The following SAMD3 variants were observed in gnomAD, a reference collection of about 807,000 sequenced individuals.
The protein encoded by SAMD3 is sterile alpha motif domain containing 3.
SAMD3 carries 63 observed loss-of-function variants against 58.5 expected under a neutral mutation model. The ratio of observed to expected loss-of-function variants is 1.08; its 90% CI spans 0.88 to 1.33. The LOEUF (loss-of-function observed/expected upper bound fraction) is 1.33, where lower values mean the gene tolerates loss of function less well. SAMD3 is among the 40% of genes most tolerant of loss of function. The pLI is 0.00. For synonymous variants in SAMD3, 220 were observed against 210.3 expected, an observed-to-expected ratio of 1.05 and a Z score of -0.40; for missense variants, 604 against 608.4, an observed-to-expected ratio of 0.99 and a Z score of 0.08.
At chr6:130,266,510 T>A (rs1281414988) in intron 2 of SAMD3, among the ~76,000 whole-genome samples, 1 of 152,212 alleles carries the variant, frequency 6.6e-6, no homozygotes, top group Non-Finnish European at 1.5e-5. Flanking sequence ...AAGACTCAGC[T>A]GCCTTAGGCA....
chr6:130,187,848 A>G (rs1793147656), intron 5 of SAMD3, among the ~76,000 whole-genome samples: 1 of 152,200 alleles, frequency 6.6e-6, no homozygotes, highest in East Asian at 1.9e-4. Context: ...AGCACCACAA[A>G]GCAACAGATC....
rs148646730 is a variant in SAMD3, at chr6:130,183,956, C to G, written c.654+147G>C. ...AGACAAAGAGTCAGAAAAACAGAAA[C>G]AGATAGACCTAGATACATAGACAGA... is the stretch of plus-strand genomic sequence containing the variant. On this transcript the variant is annotated intron_variant, in intron 7 of 11. Transcript: ENST00000439090. The G allele has an allele frequency of 2.5e-5, 16 of 640,798 alleles. No individual in the cohort carries two copies. The Middle Eastern group carries it at 2.1e-3, about 83-fold the overall frequency. The allele number at this position is 640,798 out of a possible 1,614,324, so 39.7% of individuals were successfully genotyped here. A position where few individuals can be genotyped will look rare whatever the true frequency, so the allele number is the denominator to read the frequency against.
chr6:130,229,888 A>G (rs1796494850), intron 2 of SAMD3, among the ~76,000 whole-genome samples: 2 of 152,200 alleles, frequency 1.3e-5, no homozygotes, highest in African/African-American at 4.8e-5. Context: ...CACCACAGTG[A>G]CCAGTTTTAA....
intron 1 of SAMD3, among the ~76,000 whole-genome samples, chr6:130,341,157 G>A (rs1465184292): frequency 8.6e-6 from 1 of 116,282 alleles, no homozygotes; most frequent in Non-Finnish European, 1.6e-5. Context: ...GAGGGAGGAA[G>A]AGAGGGAGGG....
At chr6:130,155,959 T>C (rs1441569830) in intron 8 of SAMD3, among the ~76,000 whole-genome samples, 2 of 152,188 alleles carry the variant, frequency 1.3e-5, no homozygotes, top group Non-Finnish European at 2.9e-5. Flanking sequence ...ACAAAGAAAA[T>C]ACCAAGAAAG....
chr6:130,239,112 T>A (rs1773265300), intron 2 of SAMD3, among the ~76,000 whole-genome samples: 2 of 152,106 alleles, frequency 1.3e-5, no homozygotes, highest in Non-Finnish European at 2.9e-5. Flanking sequence ...ACCTAAGAGA[T>A]GATGTCTGAG....
chr6:130,290,383 T>C (rs1309446818), intron 2 of SAMD3, among the ~76,000 whole-genome samples: 1 of 152,178 alleles, frequency 6.6e-6, no homozygotes, highest in Non-Finnish European at 1.5e-5. Context: ...GAAACCTCAG[T>C]CTTTGCTCTT....
chr6:130,241,081 C>G (rs1773338324), intron 2 of SAMD3, among the ~76,000 whole-genome samples: 1 of 152,122 alleles, frequency 6.6e-6, no homozygotes, highest in South Asian at 2.1e-4. Flanking sequence ...GGCAACAAGA[C>G]TCCTGCTGGG....
chr6:130,349,441 T>C (rs1343607247), intron 1 of SAMD3, among the ~76,000 whole-genome samples: 2 of 152,170 alleles, frequency 1.3e-5, no homozygotes, highest in Non-Finnish European at 2.9e-5. Flanking sequence ...CAGAGAATAC[T>C]ATAAAGACCT....
intron 10 of SAMD3, 58 bp downstream of exon 10, chr6:130,145,952 T>C: frequency 9.0e-7 from 1 of 1,106,862 alleles, no homozygotes; most frequent in Non-Finnish European, 1.2e-6. Context: ...AGCATAACTT[T>C]TCTAGATATT....
intron 1 of SAMD3, among the ~76,000 whole-genome samples, chr6:130,342,604 T>C (rs1257576381): frequency 2.0e-5 from 3 of 152,160 alleles, no homozygotes; most frequent in African/African-American, 7.2e-5. Flanking sequence ...CTAGACAGGC[T>C]TTCATAATAC....
At chr6:130,272,097 A>T (rs1438248806) in intron 2 of SAMD3, among the ~76,000 whole-genome samples, 2 of 152,202 alleles carry the variant, frequency 1.3e-5, no homozygotes, top group Non-Finnish European at 2.9e-5. Flanking sequence ...CTTTTCCAAG[A>T]TTATAAATAA....
intron 2 of SAMD3, among the ~76,000 whole-genome samples, chr6:130,306,351 A>C (rs1261260168): frequency 6.6e-6 from 1 of 152,238 alleles, no homozygotes. Context: ...GGAACAAAAA[A>C]GGAAAGATTA....
upstream of SAMD3, among the ~76,000 whole-genome samples, chr6:130,227,029 T>C (rs558880512): frequency 2.6e-5 from 4 of 152,330 alleles, no homozygotes; most frequent in African/African-American, 9.6e-5. Context: ...ATAAGTATAT[T>C]CACATTATTG....
intron 2 of SAMD3, among the ~76,000 whole-genome samples, chr6:130,279,935 C>T (rs1583044110): frequency 6.6e-6 from 1 of 152,314 alleles, no homozygotes; most frequent in Middle Eastern, 3.4e-3. Flanking sequence ...CTCCCAGGGA[C>T]ATTATCTTTG....
chr6:130,246,642 G>A (rs1036095028), intron 2 of SAMD3, among the ~76,000 whole-genome samples: 1 of 152,114 alleles, frequency 6.6e-6, no homozygotes, highest in South Asian at 2.1e-4. Context: ...TATAATCCCA[G>A]CACTTTGGGA....
chr6:130,308,349 A>AATTCTATTCTATTCTATTCTATTCT (rs68138988), intron 2 of SAMD3, among the ~76,000 whole-genome samples: 31 of 69,560 alleles, frequency 4.5e-4, no homozygotes, highest in East Asian at 8.0e-4. Context: ...AAGTTCATAG[A>AATTCTATTCTATTCTATTCTATTCT]ATTCTATTCT....
At chr6:130,172,895 T>C (rs1188876001) in intron 8 of SAMD3, among the ~76,000 whole-genome samples, 2 of 152,240 alleles carry the variant, frequency 1.3e-5, no homozygotes, top group Non-Finnish European at 1.5e-5. Context: ...TTGGAGGCTT[T>C]GTTCATTCAT....
chr6:130,282,190 A>AAG (rs1284315768), intron 2 of SAMD3, among the ~76,000 whole-genome samples: 2 of 152,042 alleles, frequency 1.3e-5, no homozygotes, highest in Non-Finnish European at 2.9e-5. Flanking sequence ...TAGAGAGAGA[A>AAG]AGAGAGAGAG....
Sources: allele counts gnomAD v4.1 joint callset (sites outside exome capture counted in the v4.1 genomes callset), GRCh38; gene constraint gnomAD v4.1.1; transcripts MANE v1.5; gene names NCBI Gene and HGNC (gene_info 2026-07-23, HGNC 2026-07-21).